MALRD1: variants seen among roughly 807,000 people sequenced by gnomAD.
MALRD1 encodes the protein MAM and LDL-receptor class A domain-containing protein 1.
MALRD1 carries 247 observed loss-of-function variants against 242.1 expected under a neutral mutation model. The observed-to-expected ratio is 1.02, with a 90% CI of 0.92 to 1.13. MALRD1 has a LOEUF of 1.13. MALRD1 is among the 50% of genes most tolerant of loss of function. The pLI, the probability that MALRD1 is intolerant of heterozygous loss-of-function variation, is 0.00. For missense variants in MALRD1, 2,989 were observed against 2,533.1 expected, an observed-to-expected ratio of 1.18 and a Z score of -3.86; for synonymous variants, 995 against 866.6, an observed-to-expected ratio of 1.15 and a Z score of -2.60.
At chr10:19,243,924 C>CA (rs146836474) in intron 18 of MALRD1, among the ~76,000 whole-genome samples, 2,252 of 151,596 alleles carry the variant, frequency 0.015, 51 homozygotes, top group African/African-American at 0.052. Flanking sequence ...GAAAGAAATG[C>CA]AAAAAAAGTA....
At chr10:19,333,895 T>A (rs1843493791) in intron 24 of MALRD1, among the ~76,000 whole-genome samples, 1 of 152,070 alleles carries the variant, frequency 6.6e-6, no homozygotes, top group African/African-American at 2.4e-5. Context: ...CTCTGATGAT[T>A]AGTGATACAG....
chr10:19,713,916 C>A (rs1449688369), intron 38 of MALRD1, among the ~76,000 whole-genome samples: 1 of 152,188 alleles, frequency 6.6e-6, no homozygotes, highest in African/African-American at 2.4e-5. Flanking sequence ...GCAGAGCATG[C>A]AATGGGTGTG....
intron 29 of MALRD1, among the ~76,000 whole-genome samples, chr10:19,490,760 C>T (rs575927533): frequency 1.3e-5 from 2 of 152,242 alleles, no homozygotes; most frequent in African/African-American, 4.8e-5. Flanking sequence ...AGTCTGCTGC[C>T]AATTAATTTT....
intron 38 of MALRD1, among the ~76,000 whole-genome samples, chr10:19,694,085 T>C (rs1348497606): frequency 6.6e-6 from 1 of 152,178 alleles, no homozygotes; most frequent in Non-Finnish European, 1.5e-5. Context: ...TCAAGATGGA[T>C]TAAAGACGTA....
chr10:19,615,828 A>T (rs1390210710), intron 35 of MALRD1, 29 bp from the exon 36 acceptor site: 1 of 1,460,080 alleles, frequency 6.8e-7, no homozygotes, highest in Admixed American at 2.0e-5. Flanking sequence ...TTTATAATTA[A>T]CTGGTGTCTT....
chr10:19,511,744 A>G (rs2131290078), intron 31 of MALRD1, among the ~76,000 whole-genome samples: 1 of 152,326 alleles, frequency 6.6e-6, no homozygotes, highest in African/African-American at 2.4e-5. Flanking sequence ...TTGGTTTAAC[A>G]TGACATAGTC....
At chr10:19,517,757 A>G (rs1197381816) in intron 31 of MALRD1, among the ~76,000 whole-genome samples, 1 of 151,798 alleles carries the variant, frequency 6.6e-6, no homozygotes, top group Non-Finnish European at 1.5e-5. Flanking sequence ...CAGGAAGCTC[A>G]AAACACAAAT....
At chr10:19,646,032 G>C (rs1251824501) in intron 36 of MALRD1, among the ~76,000 whole-genome samples, 1 of 152,140 alleles carries the variant, frequency 6.6e-6, no homozygotes, top group African/African-American at 2.4e-5. Flanking sequence ...GTAGCTTGTA[G>C]AAATAGAAAA....
chr10:19,687,961 ATGT>A (rs1287629168), intron 36 of MALRD1, among the ~76,000 whole-genome samples: 9 of 146,382 alleles, frequency 6.1e-5, no homozygotes, highest in Non-Finnish European at 1.4e-4. Context: ...ATGTTATGTT[ATGT>A]TATGTTATGT....
At chr10:19,498,852 C>T (rs1837840805) in intron 31 of MALRD1, among the ~76,000 whole-genome samples, 1 of 152,190 alleles carries the variant, frequency 6.6e-6, no homozygotes, top group South Asian at 2.1e-4. Flanking sequence ...CAAAGCAACT[C>T]ATGACTCATA....
chr10:19,641,888 C>G (rs571783192), intron 36 of MALRD1, among the ~76,000 whole-genome samples: 1 of 152,046 alleles, frequency 6.6e-6, no homozygotes, highest in South Asian at 2.1e-4. Context: ...GGTGTTACAA[C>G]CCACAGATCT....
intron 28 of MALRD1, among the ~76,000 whole-genome samples, chr10:19,431,432 A>G (rs1179754334): frequency 6.6e-6 from 1 of 152,176 alleles, no homozygotes; most frequent in Non-Finnish European, 1.5e-5. Context: ...GAATCCAGCA[A>G]TTTATTCAAG....
At chr10:19,485,760 T>C (rs976668439) in intron 29 of MALRD1, among the ~76,000 whole-genome samples, 1 of 152,104 alleles carries the variant, frequency 6.6e-6, no homozygotes, top group South Asian at 2.1e-4. Flanking sequence ...CATCGATACA[T>C]TTTTATACCC....
chr10:19,533,430 C>T (rs1208303732), intron 32 of MALRD1, among the ~76,000 whole-genome samples: 1 of 151,956 alleles, frequency 6.6e-6, no homozygotes, highest in African/African-American at 2.4e-5. Flanking sequence ...TTTTCTGTAG[C>T]AACAGTCTTG....
intron 36 of MALRD1, among the ~76,000 whole-genome samples, chr10:19,650,323 G>A (rs1840814943): frequency 6.6e-6 from 1 of 152,118 alleles, no homozygotes; most frequent in East Asian, 1.9e-4. Context: ...CAAAAACTGT[G>A]AAAATTTGTC....
chr10:19,333,338 A>G (rs533824555), intron 24 of MALRD1, among the ~76,000 whole-genome samples: 101 of 152,006 alleles, frequency 6.6e-4, no homozygotes, highest in African/African-American at 2.1e-3. Context: ...TATTGTTCCC[A>G]TGTTTATGTC....
chr10:19,077,680 A>G (rs1835358985), intron 2 of MALRD1, among the ~76,000 whole-genome samples: 1 of 151,976 alleles, frequency 6.6e-6, no homozygotes, highest in Non-Finnish European at 1.5e-5. Flanking sequence ...TAAATATAGT[A>G]TACTTAATAG....
rs558188681 is a variant in MALRD1, at chr10:19,622,776, A to T, written c.6137+6853A>T. Among the ~76,000 whole-genome samples the T allele has an allele frequency of 2.1e-3, 317 of 152,054 alleles. 2 individuals carry two copies. Among genetic ancestry groups the T allele is most frequent in the African/African-American group, 6.3e-3 (261 of 41,558 alleles). The stretch of plus-strand genomic sequence containing the variant: ...TCAATAGAATAAAGCTCTTATTATT[A>T]AACTGTATTATACAGGCATCTGAAT... On this transcript the variant is annotated intron_variant, in intron 36 of 39. Coordinates refer to ENST00000454679, the MANE Select transcript of MALRD1 (RefSeq NM_001142308.3).
chr10:19,182,756 T>G (rs10827032), intron 14 of MALRD1, among the ~76,000 whole-genome samples: 45,755 of 151,836 alleles, frequency 0.3, 7,192 homozygotes, highest in Admixed American at 0.37. Context: ...GCAATGGGAA[T>G]TTTGAAGCCA....
Sources: gnomAD v4.1 joint callset for allele counts (sites outside exome capture counted in the v4.1 genomes callset) on GRCh38, gnomAD v4.1.1 for gene constraint, MANE v1.5 for transcripts, NCBI Gene and HGNC (gene_info 2026-07-23, HGNC 2026-07-21) for gene names.